Variants in SYTL3 observed in about 807,000 individuals in gnomAD.
SYTL3 encodes the protein synaptotagmin-like protein 3.
SYTL3 carries 88 observed loss-of-function variants against 82.1 expected under a neutral mutation model. That is an observed-to-expected ratio of 1.07 (90% CI 0.90 to 1.28). The LOEUF is 1.28. Among genes scored for constraint, SYTL3 ranks in the 50% most tolerant of loss-of-function variants. SYTL3 has a pLI of 0.00. For missense variants in SYTL3, 831 were observed against 757.6 expected, an observed-to-expected ratio of 1.10 and a Z score of -1.14; for synonymous variants, 311 against 289.4, an observed-to-expected ratio of 1.07 and a Z score of -0.76.
intron 6 of SYTL3, among the ~76,000 whole-genome samples, chr6:158,690,094 C>G (rs1583244306): frequency 6.6e-6 from 1 of 152,228 alleles, no homozygotes; most frequent in Non-Finnish European, 1.5e-5. Flanking sequence ...GGGCACCACT[C>G]TCCTTGTGCC....
At chr6:158,759,341 T>C (rs1789587661) in intron 14 of SYTL3, among the ~76,000 whole-genome samples, 1 of 152,192 alleles carries the variant, frequency 6.6e-6, no homozygotes, top group African/African-American at 2.4e-5. Flanking sequence ...CCGCTGAGGC[T>C]GGAGGCAGCC....
chr6:158,704,259 A>C (rs1345342135), intron 6 of SYTL3, among the ~76,000 whole-genome samples: 1 of 152,208 alleles, frequency 6.6e-6, no homozygotes, highest in Non-Finnish European at 1.5e-5. Context: ...GGCTGCTGTC[A>C]TAGGGCGGAA....
At chr6:158,712,715 A>G (rs898950978) in intron 8 of SYTL3, among the ~76,000 whole-genome samples, 1 of 151,828 alleles carries the variant, frequency 6.6e-6, no homozygotes, top group Non-Finnish European at 1.5e-5. Context: ...TATAATGCTG[A>G]TAAGAGAGAA....
intron 10 of SYTL3, among the ~76,000 whole-genome samples, 157 bp from the exon 11 acceptor site, chr6:158,725,346 C>T (rs534729728): frequency 6.6e-6 from 1 of 151,828 alleles, no homozygotes; most frequent in Non-Finnish European, 1.5e-5. Flanking sequence ...TGTGTGTGCG[C>T]ACGTGCACGC....
At chr6:158,679,516 A>C (rs2128400461) in intron 5 of SYTL3, among the ~76,000 whole-genome samples, 1 of 152,338 alleles carries the variant, frequency 6.6e-6, no homozygotes, top group African/African-American at 2.4e-5. Context: ...AAGCAGTCTC[A>C]AATGCAAAAA....
At chr6:158,704,136 A>G (rs2128447300) in intron 6 of SYTL3, among the ~76,000 whole-genome samples, 1 of 127,814 alleles carries the variant, frequency 7.8e-6, no homozygotes, top group Non-Finnish European at 1.6e-5. Flanking sequence ...CGGGTTTTAC[A>G]TTTTTAAATG....
At chr6:158,718,342 A>G (rs936554039) in intron 10 of SYTL3, 131 bp downstream of exon 10, 6 of 1,117,070 alleles carry the variant, frequency 5.4e-6, no homozygotes, top group Non-Finnish European at 3.5e-6. Context: ...TCAGAAAAAC[A>G]TAATTACCAG....
chr6:158,706,986 A>G (rs1166974392), intron 6 of SYTL3, among the ~76,000 whole-genome samples: 2 of 152,186 alleles, frequency 1.3e-5, no homozygotes, highest in African/African-American at 2.4e-5. Context: ...GGAGAGTACA[A>G]TTTCCATAAC....
At chr6:158,749,390 G>GAAAAAA (rs1167978441) in intron 12 of SYTL3, among the ~76,000 whole-genome samples, 7 of 52,092 alleles carry the variant, frequency 1.3e-4, no homozygotes, top group Non-Finnish European at 2.2e-4. Flanking sequence ...GACTCTGTCT[G>GAAAAAA]AAAAAAAAAA....
At chr6:158,700,934 C>T (rs1781151973) in intron 6 of SYTL3, among the ~76,000 whole-genome samples, 1 of 152,102 alleles carries the variant, frequency 6.6e-6, no homozygotes, top group Admixed American at 6.6e-5. Flanking sequence ...TTATAAGCAC[C>T]ACCTCTTATA....
At chr6:158,720,506 A>G (rs566997364) in intron 10 of SYTL3, among the ~76,000 whole-genome samples, 4 of 151,006 alleles carry the variant, frequency 2.6e-5, no homozygotes, top group African/African-American at 9.7e-5. Flanking sequence ...CAGACCTGGG[A>G]TTTGACTCTG....
chr6:158,747,903 A>G (rs748030272), intron 12 of SYTL3, among the ~76,000 whole-genome samples: 6 of 152,140 alleles, frequency 3.9e-5, no homozygotes, highest in Non-Finnish European at 8.8e-5. Context: ...TACGTATTTT[A>G]TCCATCCTAG....
chr6:158,660,341 T>C (rs906076489), intron 2 of SYTL3, among the ~76,000 whole-genome samples: 12 of 152,172 alleles, frequency 7.9e-5, no homozygotes, highest in Non-Finnish European at 1.2e-4. Context: ...AAATATTTAC[T>C]GAATGACTGG....
intron 9 of SYTL3, 81 bp from the exon 10 acceptor site, chr6:158,718,006 C>T: frequency 1.5e-6 from 2 of 1,366,022 alleles, no homozygotes; most frequent in Non-Finnish European, 1.9e-6. Context: ...TCTGTGGGTT[C>T]AGTGAACCCC....
intron 6 of SYTL3, among the ~76,000 whole-genome samples, chr6:158,705,622 G>C (rs1228863818): frequency 1.9e-5 from 1 of 53,358 alleles, no homozygotes. Flanking sequence ...TAGAGCAGGA[G>C]GGACTCGGGG....
Position 158,682,910 on chromosome 6 carries a change from T to G in SYTL3, c.330-15T>G, listed in dbSNP as rs1358083402. Reference sequence around the variant, plus strand: ...TCTTCTCTCTCTGAAGCTTCCTTTCTGCTCATTTTTTCAGGAATGTCAAAA... The same window carrying G: ...TCTTCTCTCTCTGAAGCTTCCTTTCGGCTCATTTTTTCAGGAATGTCAAAA... On this transcript the variant is annotated splice_polypyrimidine_tract_variant and intron_variant, in intron 5 of 17. Coordinates refer to ENST00000611299, the MANE Select transcript of SYTL3 (RefSeq NM_001242394.2). 1.9e-6 allele frequency: 3 copies of G among 1,608,552 alleles called. No individual in the cohort carries two copies. Among genetic ancestry groups the G allele is most frequent in the Non-Finnish European group, 8.5e-7 (1 of 1,175,020 alleles).
At position 158,732,023 on chromosome 6, in the gene SYTL3, C is replaced by T. The variant is rs114753829; in HGVS notation, c.855+6386C>T. On this transcript the variant is annotated intron_variant, in intron 11 of 17. Transcript: ENST00000611299. ...TATCTCTGTCCCTCTTGGACTTCCTCAAATTAGGAAGACATAGTAAGTTCC... is the reference window on the plus strand; with the variant it reads ...TATCTCTGTCCCTCTTGGACTTCCTTAAATTAGGAAGACATAGTAAGTTCC... Among the ~76,000 whole-genome samples, 1,367 of 152,326 alleles carry T rather than the reference C, an allele frequency of 9.0e-3. 13 individuals carry two copies. Among genetic ancestry groups the T allele is most frequent in the African/African-American group, 0.03 (1,260 of 41,574 alleles).
chr6:158,648,962 A>G (rs1562331557), upstream of SYTL3, among the ~76,000 whole-genome samples: 1 of 152,218 alleles, frequency 6.6e-6, no homozygotes, highest in Non-Finnish European at 1.5e-5. Context: ...AGTTGTGCTG[A>G]AATACCTCTG....
At chr6:158,670,254 T>C (rs1172115644) in intron 5 of SYTL3, among the ~76,000 whole-genome samples, 2 of 152,232 alleles carry the variant, frequency 1.3e-5, no homozygotes, top group Non-Finnish European at 2.9e-5. Flanking sequence ...ATAACTAGTG[T>C]ATGAGAATGG....
Sources: gnomAD v4.1 joint callset for allele counts (sites outside exome capture counted in the v4.1 genomes callset) on GRCh38, gnomAD v4.1.1 for gene constraint, MANE v1.5 for transcripts, NCBI Gene and HGNC (gene_info 2026-07-23, HGNC 2026-07-21) for gene names.